Variants in RP1 observed in about 807,000 individuals in gnomAD.
The protein encoded by RP1 is RP1 axonemal microtubule associated, also known as oxygen-regulated protein 1.
In RP1, 16 loss-of-function variants were observed where a neutral mutation model predicts 14.8. The observed-to-expected ratio is 1.08, with a 90% CI of 0.73 to 1.65. The LOEUF (loss-of-function observed/expected upper bound fraction) is 1.65, where lower values mean the gene tolerates loss of function less well. Among genes scored for constraint, RP1 ranks in the 40% most tolerant of loss-of-function variants. The pLI, the probability that RP1 is intolerant of heterozygous loss-of-function variation, is 0.00. For synonymous variants in RP1, 876 were observed against 883.6 expected, an observed-to-expected ratio of 0.99 and a Z score of 0.15; for missense variants, 2,631 against 2,535.0, an observed-to-expected ratio of 1.04 and a Z score of -0.81.
chr8:54,698,861 G>A (rs1413949491), intron 12 of RP1, among the ~76,000 whole-genome samples: 6 of 152,150 alleles, frequency 3.9e-5, no homozygotes, highest in Admixed American at 3.9e-4. Context: ...ACATAGGGAG[G>A]GGAACATCAC....
chr8:54,635,520 C>T (rs1439440233), downstream of RP1, among the ~76,000 whole-genome samples: 1 of 151,986 alleles, frequency 6.6e-6, no homozygotes, highest in Admixed American at 6.6e-5. Context: ...AAGCTAAACA[C>T]TATATTTATG....
At chr8:54,754,211 G>A (rs1188928227) in intron 19 of RP1, among the ~76,000 whole-genome samples, 1 of 152,046 alleles carries the variant, frequency 6.6e-6, no homozygotes, top group Non-Finnish European at 1.5e-5. Flanking sequence ...GCAACTGGGG[G>A]TTTATTTAGA....
intron 25 of RP1, among the ~76,000 whole-genome samples, chr8:54,840,592 C>CAAAAAAA: frequency 7.8e-6 from 1 of 127,474 alleles, no homozygotes; most frequent in Non-Finnish European, 1.7e-5. Flanking sequence ...TTGTTACATG[C>CAAAAAAA]AAAAAAAAAA....
At chr8:54,758,365 A>G (rs975684699) in intron 21 of RP1, among the ~76,000 whole-genome samples, 10 of 151,090 alleles carry the variant, frequency 6.6e-5, no homozygotes, top group African/African-American at 1.2e-4. Context: ...TGAAGAGTCC[A>G]GGCTACTCTT....
At chr8:54,755,099 G>A (rs1473862683) in intron 20 of RP1, among the ~76,000 whole-genome samples, 1 of 152,118 alleles carries the variant, frequency 6.6e-6, no homozygotes, top group African/African-American at 2.4e-5. Context: ...TGAGTTGCTG[G>A]TGGATCTTAG....
At chr8:54,695,668 C>G (rs911371551) in intron 12 of RP1, among the ~76,000 whole-genome samples, 1 of 152,084 alleles carries the variant, frequency 6.6e-6, no homozygotes, top group East Asian at 1.9e-4. Flanking sequence ...ATCATCTGAA[C>G]AAGTCATTTG....
chr8:54,682,727 T>C (rs1585603129), intron 12 of RP1, among the ~76,000 whole-genome samples: 1 of 152,082 alleles, frequency 6.6e-6, no homozygotes, highest in Non-Finnish European at 1.5e-5. Context: ...GTTTGCAAAA[T>C]TTTTCTCCCA....
intron 1 of RP1, among the ~76,000 whole-genome samples, chr8:54,602,891 T>C (rs1443865955): frequency 6.6e-6 from 1 of 152,208 alleles, no homozygotes; most frequent in Non-Finnish European, 1.5e-5. Context: ...GTTGTTTGTT[T>C]TTTTCTTGTA....
intron 15 of RP1, among the ~76,000 whole-genome samples, chr8:54,715,881 A>T (rs987290313): frequency 6.6e-6 from 1 of 152,206 alleles, no homozygotes; most frequent in African/African-American, 2.4e-5. Context: ...TTAAAAGGGG[A>T]AAAGAAGAAC....
intron 24 of RP1, among the ~76,000 whole-genome samples, chr8:54,803,087 T>C (rs1026108984): frequency 3.3e-5 from 5 of 152,162 alleles, no homozygotes; most frequent in African/African-American, 9.7e-5. Context: ...TTTTTGTGAG[T>C]ATTTTCTACA....
chr8:54,748,010 TTG>T (rs1809269970), intron 19 of RP1, among the ~76,000 whole-genome samples: 3 of 152,252 alleles, frequency 2.0e-5, no homozygotes, highest in Admixed American at 6.5e-5. Context: ...AGGAATTCTC[TTG>T]AAGCTTTTTG....
upstream of RP1, among the ~76,000 whole-genome samples, chr8:54,612,068 T>C (rs1805611276): frequency 6.6e-6 from 1 of 152,316 alleles, no homozygotes; most frequent in Non-Finnish European, 1.5e-5. Flanking sequence ...CCCGGTATAA[T>C]GCGGTTGCTT....
intron 24 of RP1, among the ~76,000 whole-genome samples, chr8:54,814,365 CA>C (rs1811084423): frequency 6.6e-6 from 1 of 151,966 alleles, no homozygotes. Context: ...AAAAAATGAA[CA>C]AAAATAAAAA....
At chr8:54,716,138 A>C (rs552229689) in intron 15 of RP1, among the ~76,000 whole-genome samples, 1 of 152,260 alleles carries the variant, frequency 6.6e-6, no homozygotes, top group South Asian at 2.1e-4. Context: ...TGAGAACCGG[A>C]AGTTTGGAAG....
intron 3 of RP1, among the ~76,000 whole-genome samples, chr8:54,640,113 T>C (rs1488860838): frequency 7.5e-6 from 1 of 132,968 alleles, no homozygotes; most frequent in East Asian, 2.0e-4. Context: ...CATTTTGAGC[T>C]TTTTTTTTTT....
chr8:54,754,751 C>T, intron 19 of RP1: 1 of 1,453,510 alleles, frequency 6.9e-7, no homozygotes, highest in Non-Finnish European at 9.1e-7. Context: ...ATTCCAAGTT[C>T]TTTGAGAAAT....
intron 16 of RP1, among the ~76,000 whole-genome samples, chr8:54,723,943 T>C (rs1276008044): frequency 6.6e-6 from 1 of 152,210 alleles, no homozygotes; most frequent in Non-Finnish European, 1.5e-5. Flanking sequence ...AGCCATCCTC[T>C]GTATATAAAT....
At chr8:54,691,922 C>T (rs998778496) in intron 12 of RP1, among the ~76,000 whole-genome samples, 2 of 151,868 alleles carry the variant, frequency 1.3e-5, no homozygotes, top group Non-Finnish European at 2.9e-5. Flanking sequence ...CCCATTAACT[C>T]GTCATTTAGC....
rs895185207 is a variant in RP1 at position 54,621,315 on chromosome 8, C to A, written c.349C>A (p.Leu117Met). 2 of 1,613,222 alleles carry A rather than the reference C, an allele frequency of 1.2e-6. No individual in the cohort carries two copies. The highest frequency in any genetic ancestry group is 2.2e-5 in the South Asian group (2 of 91,072). Residue 117 changes from leucine (L) to methionine (M), a missense_variant, in exon 2 of 4, where the codon CTG (leucine) becomes ATG (methionine). Transcript: ENST00000220676. ...SHGRKVQPVD[L>M]DKARRRPRPW... The stretch of plus-strand genomic sequence containing the variant: ...CGGCAGGAAGGTGCAGCCTGTAGAC[C>A]TGGACAAAGCCCGTCGGCGCCCGCG...
Sources: gnomAD v4.1 joint callset for allele counts (sites outside exome capture counted in the v4.1 genomes callset) on GRCh38, gnomAD v4.1.1 for gene constraint, MANE v1.5 for transcripts, NCBI Gene and HGNC (gene_info 2026-07-23, HGNC 2026-07-21) for gene names.